The following SNX8 variants were observed in gnomAD, a reference collection of about 807,000 sequenced individuals.
SNX8 encodes sorting nexin 8.
Under a neutral mutation model 51.6 loss-of-function variants are expected in SNX8, and 25 were observed. The ratio of observed to expected loss-of-function variants is 0.48; its 90% CI spans 0.35 to 0.68. The LOEUF (loss-of-function observed/expected upper bound fraction) is 0.68, where lower values mean the gene tolerates loss of function less well. SNX8 is among the 30% of genes least tolerant of loss of function. The pLI is 0.00. For synonymous variants in SNX8, 324 were observed against 277.0 expected (o/e 1.17, Z -1.68); for missense variants, 695 against 624.0 (o/e 1.11, Z -1.21).
In SNX8 at chr7:2,263,266, C is replaced by G. The variant is rs376151283; in HGVS notation, c.879G>C (p.Val293=). 5.0e-6 allele frequency: 8 copies of G among 1,613,858 alleles called. No homozygotes were observed. The highest frequency in any genetic ancestry group is 6.8e-6 in the Non-Finnish European group (8 of 1,180,036). The change falls in exon 7 of 11, where the codon GTG becomes GTC. Residue 293 remains valine, a synonymous_variant. Coordinates refer to ENST00000222990, the MANE Select transcript of SNX8 (RefSeq NM_013321.4). The part of the protein sequence containing the change: ...SLKQALKGLS[V]EFALLADKAA... ...CCTTGTCGGCGAGCAGCGCGAATTC[C>G]ACAGACAGGCCTTTCAGAGCCTGCT... is the stretch of plus-strand genomic sequence containing the variant.
intron 1 of SNX8, among the ~76,000 whole-genome samples, chr7:2,341,507 AG>A (rs1158735163): frequency 6.6e-6 from 1 of 151,744 alleles, no homozygotes; most frequent in Non-Finnish European, 1.5e-5. Flanking sequence ...CTCAAAAAAA[AG>A]CAAAAATGAA....
chr7:2,294,259 A>C (rs1456009078), intron 1 of SNX8, among the ~76,000 whole-genome samples: 1 of 151,870 alleles, frequency 6.6e-6, no homozygotes, highest in Non-Finnish European at 1.5e-5. Flanking sequence ...GCAAGACTCC[A>C]TCTCAAAATA....
chr7:2,348,027 A>T (rs1484329013), intron 1 of SNX8, among the ~76,000 whole-genome samples: 1 of 152,178 alleles, frequency 6.6e-6, no homozygotes, highest in Non-Finnish European at 1.5e-5. Flanking sequence ...TATGTAGAAC[A>T]TCCTGGAGAA....
chr7:2,314,182 C>T, intron 1 of SNX8, 146 bp downstream of exon 1: 1 of 883,208 alleles, frequency 1.1e-6, no homozygotes, highest in Non-Finnish European at 1.5e-6. Flanking sequence ...GGGGGACCTC[C>T]GAGGGACTGG....
At chr7:2,285,868 C>A (rs899712619) in intron 1 of SNX8, among the ~76,000 whole-genome samples, 1 of 151,464 alleles carries the variant, frequency 6.6e-6, no homozygotes, top group South Asian at 2.1e-4. Flanking sequence ...TGTAGATATG[C>A]GGGGGGGTCT....
upstream of SNX8, chr7:2,314,476 G>GCCGCGCCGCGC: frequency 8.5e-7 from 1 of 1,182,022 alleles, no homozygotes; most frequent in Non-Finnish European, 1.0e-6. Context: ...GCGCAGCCCT[G>GCCGCGCCGCGC]CCGCGCCGCG....
intron 7 of SNX8, among the ~76,000 whole-genome samples, chr7:2,259,975 G>A (rs1795295560): frequency 6.6e-6 from 1 of 151,816 alleles, no homozygotes; most frequent in African/African-American, 2.4e-5. Context: ...TATGATAGCT[G>A]ATGAACTAAA....
intron 1 of SNX8, among the ~76,000 whole-genome samples, chr7:2,334,979 T>C (rs79506826): frequency 0.015 from 2,260 of 151,116 alleles, 54 homozygotes; most frequent in African/African-American, 0.053. Context: ...ATGGATGACC[T>C]GACGTCAGGA....
At chr7:2,315,448 G>A (rs1009879745), upstream of SNX8, among the ~76,000 whole-genome samples, 3 of 120,488 alleles carry the variant, frequency 2.5e-5, no homozygotes, top group African/African-American at 6.5e-5. Flanking sequence ...ACTCACTCAT[G>A]CACTGCATCC....
intron 1 of SNX8, among the ~76,000 whole-genome samples, chr7:2,342,601 C>G (rs1308995639): frequency 6.6e-6 from 1 of 151,400 alleles, no homozygotes; most frequent in Non-Finnish European, 1.5e-5. Flanking sequence ...TTGCAGTGAG[C>G]CGAGATCAGG....
At position 2,304,450 on chromosome 7, in the gene SNX8, AG is replaced by A. The variant is rs1323469858; in HGVS notation, c.94+9877del. Among the ~76,000 whole-genome samples, 7 of 152,032 alleles carry A rather than the reference AG, an allele frequency of 4.6e-5. No individual in the cohort carries two copies. The East Asian group carries it at 1.2e-3, about 25-fold the overall frequency. On this transcript the variant is annotated intron_variant, in intron 1 of 10. Transcript: ENST00000222990. ...TCCCAGCTACTCGGGAGGCTGAGGC[AG>A]GAGAATGGCGTGAACCCGGGAGGCG... is the stretch of plus-strand genomic sequence containing the variant.
intron 1 of SNX8, chr7:2,288,027 A>G (rs978931139): frequency 6.6e-6 from 1 of 152,322 alleles, no homozygotes; most frequent in African/African-American, 2.4e-5. Context: ...GTTCTGGACC[A>G]TCCACGGAGC....
rs981790149 is a variant in SNX8, at chr7:2,288,168, C to A, written c.95-9863G>T. The A allele has an allele frequency of 3.3e-5, 5 of 151,728 alleles. No individual in the cohort carries two copies. The South Asian group carries it at 1.0e-3, about 32-fold the overall frequency. 9.4% of individuals were successfully genotyped at this position (151,728 alleles called of 1,614,324 possible). A position where few individuals can be genotyped will look rare whatever the true frequency, so the allele number is the denominator to read the frequency against. ...GACCAGCCTGGCCACCATGGTGAAA[C>A]CCCCATCTCTACTAATAATACAAAA... is the stretch of plus-strand genomic sequence containing the variant. On this transcript the variant is annotated intron_variant, in intron 1 of 10. Transcript: ENST00000222990.
intron 7 of SNX8, 114 bp downstream of exon 7, chr7:2,263,116 T>G (rs1795375999): frequency 7.5e-7 from 1 of 1,325,646 alleles, no homozygotes; most frequent in African/African-American, 1.5e-5. Context: ...AGACTCCTTC[T>G]CAAAACAACA....
intron 1 of SNX8, among the ~76,000 whole-genome samples, chr7:2,286,421 A>G (rs1796029316): frequency 6.6e-6 from 1 of 152,200 alleles, no homozygotes; most frequent in Admixed American, 6.5e-5. Context: ...ATTTTGAAAT[A>G]AACTCACTCC....
At chr7:2,352,678 CAAA>C (rs529439488) in intron 1 of SNX8, among the ~76,000 whole-genome samples, 2 of 151,350 alleles carry the variant, frequency 1.3e-5, no homozygotes, top group African/African-American at 2.4e-5. Flanking sequence ...TAAAAAAATA[CAAA>C]AAAAATCAGC....
At chr7:2,344,475 G>A (rs543249388) in intron 1 of SNX8, among the ~76,000 whole-genome samples, 1 of 151,764 alleles carries the variant, frequency 6.6e-6, no homozygotes, top group East Asian at 1.9e-4. Context: ...AGCCGGGCGT[G>A]GTGGTGGGTG....
At chr7:2,284,174 C>T (rs1349201077) in intron 1 of SNX8, among the ~76,000 whole-genome samples, 1 of 152,126 alleles carries the variant, frequency 6.6e-6, no homozygotes, top group Non-Finnish European at 1.5e-5. Context: ...AGGTGATCCA[C>T]CCGCCTCAGC....
intron 7 of SNX8, 25 bp downstream of exon 7, chr7:2,263,205 C>T (rs754889937): frequency 1.1e-5 from 18 of 1,612,132 alleles, no homozygotes; most frequent in East Asian, 4.5e-5. Context: ...CTGGAACAGG[C>T]GCCTGGGAGA....
Sources: allele counts gnomAD v4.1 joint callset (sites outside exome capture counted in the v4.1 genomes callset), GRCh38; gene constraint gnomAD v4.1.1; transcripts MANE v1.5; gene names NCBI Gene and HGNC (gene_info 2026-07-23, HGNC 2026-07-21).